The following FOXP1 variants were observed in gnomAD, a reference collection of about 807,000 sequenced individuals.
FOXP1 encodes the protein forkhead box protein P1.
In FOXP1, 15 loss-of-function variants were observed where a neutral mutation model predicts 98.2. The observed-to-expected ratio is 0.15, with a 90% confidence interval of 0.10 to 0.24. The LOEUF is 0.24. Ranked by LOEUF, FOXP1 falls within the 10% of genes least tolerant of loss-of-function variation. The pLI is 1.00. For synonymous variants in FOXP1, 371 were observed against 314.5 expected, an observed-to-expected ratio of 1.18 and a Z score of -1.90; for missense variants, 633 against 848.5, an observed-to-expected ratio of 0.75 and a Z score of 3.15.
chr3:71,583,813 C>T, upstream of FOXP1: 2 of 987,092 alleles, frequency 2.0e-6, no homozygotes, highest in Non-Finnish European at 2.4e-6. Flanking sequence ...CCGGTGGCGG[C>T]GGCGGCGGCG....
chr3:70,988,056 G>A lies in FOXP1; in HGVS notation c.1084C>T (p.Leu362=). The A allele has an allele frequency of 6.2e-7, 1 of 1,614,126 alleles. No individual in the cohort carries two copies. The highest frequency in any genetic ancestry group is 8.5e-7 in the Non-Finnish European group (1 of 1,179,976). Residue 362 remains leucine (L), a synonymous_variant, in exon 14 of 21, where the codon CTG becomes TTG. Coordinates refer to ENST00000649528, the MANE Select transcript of FOXP1 (RefSeq NM_001349338.3). ...ELQLAKDKER[L]QAMMTHLHVK... Reference sequence around the variant, plus strand: ...TGCAGGTGGGTCATCATGGCTTGCAGGCGTTCTTTGTCTTTTGCAAGCTGG... The same window carrying A: ...TGCAGGTGGGTCATCATGGCTTGCAAGCGTTCTTTGTCTTTTGCAAGCTGG...
intron 3 of FOXP1, among the ~76,000 whole-genome samples, chr3:71,442,739 A>T (rs1435751355): frequency 6.6e-6 from 1 of 152,216 alleles, no homozygotes; most frequent in Non-Finnish European, 1.5e-5. Flanking sequence ...CTGCTCCATC[A>T]GGAAAACCAG....
intron 6 of FOXP1, among the ~76,000 whole-genome samples, chr3:71,167,395 C>T (rs2061442885): frequency 6.6e-6 from 1 of 152,138 alleles, no homozygotes; most frequent in African/African-American, 2.4e-5. Context: ...ACATTGCAGG[C>T]AAAATCCTTT....
rs72961211 is a variant in FOXP1, at chr3:71,441,264, C to T, written c.-168+52162G>A. ...GAAGGTAGCTTTAACCCCTACGGGA[C>T]ATACATGTGGAAATGTCTGGAGACA... On this transcript the variant is annotated intron_variant, in intron 3 of 20. Coordinates refer to ENST00000649528, the MANE Select transcript of FOXP1 (RefSeq NM_001349338.3). Among the ~76,000 whole-genome samples, 380 of 152,340 alleles carry T rather than the reference C, an allele frequency of 2.5e-3. 3 individuals carry two copies. Among genetic ancestry groups the T allele is most frequent in the African/African-American group, 8.9e-3 (369 of 41,576 alleles).
chr3:71,347,148 C>T (rs925509917), intron 4 of FOXP1, among the ~76,000 whole-genome samples: 1 of 152,124 alleles, frequency 6.6e-6, no homozygotes, highest in Non-Finnish European at 1.5e-5. Context: ...TAATAGAATC[C>T]AGAATGGTTT....
chr3:71,255,070 T>C (rs2068516992), intron 5 of FOXP1, among the ~76,000 whole-genome samples: 2 of 152,164 alleles, frequency 1.3e-5, no homozygotes, highest in African/African-American at 4.8e-5. Flanking sequence ...TGAAAGAAAC[T>C]ACACCCTTTT....
chr3:71,363,821 T>C (rs1034949677), intron 3 of FOXP1, among the ~76,000 whole-genome samples: 1 of 152,176 alleles, frequency 6.6e-6, no homozygotes, highest in African/African-American at 2.4e-5. Flanking sequence ...ACCAAATAGA[T>C]GGAAGTGGGT....
intron 3 of FOXP1, among the ~76,000 whole-genome samples, chr3:71,406,423 A>ATATATATATATATATATATATATATAT (rs1351289852): frequency 6.9e-6 from 1 of 144,418 alleles, no homozygotes; most frequent in Non-Finnish European, 1.5e-5. Context: ...ATATATATAT[A>ATATATATATATATATATATATATATAT]TGGTACAGTA....
chr3:71,381,711 G>A (rs2080195171), intron 3 of FOXP1, among the ~76,000 whole-genome samples: 3 of 152,038 alleles, frequency 2.0e-5, no homozygotes, highest in Non-Finnish European at 2.9e-5. Context: ...CCCAAAGTGC[G>A]GGACTTATAA....
chr3:71,475,598 T>G (rs2089757077), intron 3 of FOXP1, among the ~76,000 whole-genome samples: 1 of 150,724 alleles, frequency 6.6e-6, no homozygotes, highest in Non-Finnish European at 1.5e-5. Flanking sequence ...ATCCCAGCAC[T>G]TTGGGAGGGT....
intron 14 of FOXP1, among the ~76,000 whole-genome samples, chr3:70,986,693 C>CT (rs1228387703): frequency 2.6e-5 from 4 of 152,120 alleles, no homozygotes; most frequent in East Asian, 1.9e-4. Flanking sequence ...TGACCTGGTT[C>CT]TTTTTTTTCC....
intron 3 of FOXP1, among the ~76,000 whole-genome samples, chr3:71,444,520 C>A (rs1204003231): frequency 6.6e-6 from 1 of 152,102 alleles, no homozygotes; most frequent in Non-Finnish European, 1.5e-5. Context: ...AGGGCCCTGG[C>A]TCCAATCGCC....
At chr3:71,064,816 G>A in intron 7 of FOXP1, 1 of 984,580 alleles carries the variant, frequency 1.0e-6, no homozygotes, top group Non-Finnish European at 1.2e-6. Flanking sequence ...TCAATCAGAA[G>A]GACCAACCTG....
chr3:71,441,080 A>C (rs116178466), intron 3 of FOXP1, among the ~76,000 whole-genome samples: 2,762 of 152,304 alleles, frequency 0.018, 87 homozygotes, highest in African/African-American at 0.063. Context: ...ACAGGATAAT[A>C]TAAAACTTTT....
At chr3:71,026,376 T>C (rs1452826032) in intron 11 of FOXP1, among the ~76,000 whole-genome samples, 1 of 152,112 alleles carries the variant, frequency 6.6e-6, no homozygotes, top group Admixed American at 6.5e-5. Context: ...TCCTTGAGGA[T>C]CCAGTCTGTA....
At chr3:71,458,084 T>C (rs969874247) in intron 3 of FOXP1, among the ~76,000 whole-genome samples, 1 of 152,162 alleles carries the variant, frequency 6.6e-6, no homozygotes, top group Non-Finnish European at 1.5e-5. Flanking sequence ...CAGTCAGATA[T>C]TTACACTAAA....
At chr3:71,175,567 G>T (rs939847) in intron 6 of FOXP1, among the ~76,000 whole-genome samples, 2 of 152,120 alleles carry the variant, frequency 1.3e-5, no homozygotes, top group Non-Finnish European at 2.9e-5. Flanking sequence ...ATCCTCTGTA[G>T]CCTAGTTAGT....
chr3:71,582,442 G>C (rs1379402177), intron 1 of FOXP1: 9 of 985,364 alleles, frequency 9.1e-6, no homozygotes, highest in Non-Finnish European at 1.1e-5. Flanking sequence ...CCAGGGAGTC[G>C]TCTCGGCGGG....
chr3:71,224,579 C>T (rs2065680326), intron 5 of FOXP1, among the ~76,000 whole-genome samples: 1 of 152,168 alleles, frequency 6.6e-6, no homozygotes, highest in Non-Finnish European at 1.5e-5. Context: ...AAAACATACA[C>T]AGCAAAAAAC....
Sources: allele counts gnomAD v4.1 joint callset (sites outside exome capture counted in the v4.1 genomes callset), GRCh38; gene constraint gnomAD v4.1.1; transcripts MANE v1.5; gene names NCBI Gene and HGNC (gene_info 2026-07-23, HGNC 2026-07-21).